KIF6: variants seen among roughly 807,000 people sequenced by gnomAD.
KIF6 encodes the protein kinesin family member 6.
KIF6 carries 106 observed loss-of-function variants against 112.7 expected under a neutral mutation model. The ratio of observed to expected loss-of-function variants is 0.94; its 90% CI spans 0.80 to 1.11. The LOEUF (loss-of-function observed/expected upper bound fraction) is 1.11. KIF6 is among the 50% of genes least tolerant of loss of function. The pLI is 0.00. For missense variants in KIF6, 929 were observed against 964.0 expected (o/e 0.96, Z 0.48); for synonymous variants, 339 against 339.9 (o/e 1.00, Z 0.03).
In KIF6 at chr6:39,332,165, T is replaced by A. The variant is rs1583803635; in HGVS notation, c.*4367A>T. ...TTTCCCCATGTTGAACAGGCTGTTCTTGAACTCCTGACCTCAGGTGATCCT... is the reference window on the plus strand; with the variant it reads ...TTTCCCCATGTTGAACAGGCTGTTCATGAACTCCTGACCTCAGGTGATCCT... On this transcript the variant is annotated 3_prime_UTR_variant, in exon 23 of 23. Transcript: ENST00000287152. 1 of 152,348 alleles carries A rather than the reference T, an allele frequency of 6.6e-6. No homozygotes were observed. Among genetic ancestry groups the A allele is most frequent in the South Asian group, 2.1e-4 (1 of 4,820 alleles). 9.4% of individuals were successfully genotyped at this position (152,348 alleles called of 1,614,324 possible). A position where few individuals can be genotyped will look rare whatever the true frequency, so the allele number is the denominator to read the frequency against.
At chr6:39,536,262 T>G (rs1173482508) in intron 13 of KIF6, among the ~76,000 whole-genome samples, 1 of 151,300 alleles carries the variant, frequency 6.6e-6, no homozygotes, top group Admixed American at 6.6e-5. Context: ...TTCAAAAAAT[T>G]AATGAATCCA....
chr6:39,371,201 C>T (rs1765954280), intron 16 of KIF6, among the ~76,000 whole-genome samples: 1 of 152,174 alleles, frequency 6.6e-6, no homozygotes, highest in Non-Finnish European at 1.5e-5. Context: ...CTCTGAGCTC[C>T]TCTACCACAA....
chr6:39,351,815 G>A (rs1263630489), intron 19 of KIF6, among the ~76,000 whole-genome samples: 1 of 152,180 alleles, frequency 6.6e-6, no homozygotes, highest in Non-Finnish European at 1.5e-5. Context: ...ATTCTCATGG[G>A]GCAGATACAC....
At chr6:39,553,486 C>G (rs1359853185) in intron 10 of KIF6, among the ~76,000 whole-genome samples, 1 of 152,088 alleles carries the variant, frequency 6.6e-6, no homozygotes, top group Non-Finnish European at 1.5e-5. Context: ...GAAGATAAGG[C>G]CTATTTATAG....
chr6:39,653,567 T>C (rs1000815252), intron 3 of KIF6, among the ~76,000 whole-genome samples: 23 of 152,184 alleles, frequency 1.5e-4, no homozygotes, highest in African/African-American at 4.8e-4. Flanking sequence ...GCCTGACATC[T>C]AAAAACTCTT....
chr6:39,347,198 G>C (rs1763874025), intron 19 of KIF6, among the ~76,000 whole-genome samples: 1 of 152,210 alleles, frequency 6.6e-6, no homozygotes, highest in African/African-American at 2.4e-5. Context: ...GCAGAATCGG[G>C]AACTACTCAG....
At chr6:39,571,977 A>G (rs2150622190) in intron 10 of KIF6, among the ~76,000 whole-genome samples, 1 of 147,328 alleles carries the variant, frequency 6.8e-6, no homozygotes, top group Non-Finnish European at 1.5e-5. Flanking sequence ...TCCATGGGTG[A>G]AATCTTCAGT....
At chr6:39,417,771 T>C (rs1000055117) in intron 15 of KIF6, among the ~76,000 whole-genome samples, 4 of 152,220 alleles carry the variant, frequency 2.6e-5, no homozygotes, top group African/African-American at 9.6e-5. Flanking sequence ...GTATAGTCAA[T>C]TGGTGCCTTC....
In KIF6 at chr6:39,429,557, C is replaced by A. The variant is rs549136660; in HGVS notation, c.1754+1496G>T. 9.5e-4 allele frequency among the ~76,000 whole-genome samples: 144 copies of A among 152,304 alleles called. 5 individuals are homozygous for A. The South Asian group carries it at 0.029, about 31-fold the overall frequency. On this transcript the variant is annotated intron_variant, in intron 14 of 22. Transcript: ENST00000287152. ...CTGTGGCCTATAATATTAGCCAATT[C>A]TTTCCCATCCTGAAACCAACTTCCC...
chr6:39,555,629 T>C (rs1254954365), intron 10 of KIF6, among the ~76,000 whole-genome samples: 1 of 151,972 alleles, frequency 6.6e-6, no homozygotes, highest in Non-Finnish European at 1.5e-5. Context: ...TTACCTTTAT[T>C]TAGAGCCATT....
At chr6:39,631,821 A>C (rs1034884030) in intron 5 of KIF6, among the ~76,000 whole-genome samples, 2 of 151,918 alleles carry the variant, frequency 1.3e-5, no homozygotes, top group Non-Finnish European at 2.9e-5. Flanking sequence ...TTCCTGAAAG[A>C]GATTATGTAA....
chr6:39,717,685 C>A (rs1226268132), intron 2 of KIF6, among the ~76,000 whole-genome samples: 1 of 152,116 alleles, frequency 6.6e-6, no homozygotes, highest in African/African-American at 2.4e-5. Context: ...TGTTGTGTTC[C>A]CTGCTGTATT....
chr6:39,637,909 C>A (rs867067530), intron 4 of KIF6, among the ~76,000 whole-genome samples: 105 of 152,072 alleles, frequency 6.9e-4, no homozygotes, highest in African/African-American at 2.5e-3. Context: ...ACGGTAATGT[C>A]AATGACAAAC....
intron 13 of KIF6, among the ~76,000 whole-genome samples, chr6:39,535,876 G>A (rs1331843657): frequency 1.3e-5 from 2 of 152,138 alleles, no homozygotes; most frequent in African/African-American, 4.8e-5. Flanking sequence ...TCAGACCACA[G>A]TGCAATCAAA....
chr6:39,429,916 A>G (rs1339702562), intron 14 of KIF6, among the ~76,000 whole-genome samples: 4 of 152,132 alleles, frequency 2.6e-5, no homozygotes, highest in Non-Finnish European at 5.9e-5. Flanking sequence ...TCAAAAAAAA[A>G]AAATGATTTT....
chr6:39,408,870 A>T (rs1769281874), intron 15 of KIF6, among the ~76,000 whole-genome samples: 2 of 152,102 alleles, frequency 1.3e-5, no homozygotes, highest in Non-Finnish European at 2.9e-5. Flanking sequence ...CACCCCAATG[A>T]ATCTATGACT....
At chr6:39,668,977 T>C (rs1316914646) in intron 3 of KIF6, among the ~76,000 whole-genome samples, 1 of 152,156 alleles carries the variant, frequency 6.6e-6, no homozygotes, top group South Asian at 2.1e-4. Context: ...ATAAAATCCT[T>C]ATTTTAGCTA....
At chr6:39,517,494 C>T (rs191358351) in intron 13 of KIF6, among the ~76,000 whole-genome samples, 136 of 152,270 alleles carry the variant, frequency 8.9e-4, no homozygotes, top group African/African-American at 2.9e-3. Context: ...TCATCTCCTG[C>T]CTCCCTCCAC....
intron 7 of KIF6, among the ~76,000 whole-genome samples, chr6:39,589,677 G>A (rs78054538): frequency 0.02 from 2,983 of 152,236 alleles, 92 homozygotes; most frequent in African/African-American, 0.068. Flanking sequence ...TCAGATCTGC[G>A]GGGGGCATGG....
Sources: gnomAD v4.1 joint callset for allele counts (sites outside exome capture counted in the v4.1 genomes callset) on GRCh38, gnomAD v4.1.1 for gene constraint, MANE v1.5 for transcripts, NCBI Gene and HGNC (gene_info 2026-07-23, HGNC 2026-07-21) for gene names.